SLC20A2: variants seen among roughly 807,000 people sequenced by gnomAD.
SLC20A2 encodes solute carrier family 20 member 2, also known as sodium-dependent phosphate transporter 2.
Under a neutral mutation model 61.0 loss-of-function variants are expected in SLC20A2, and 30 were observed. That is an observed-to-expected ratio of 0.49 (90% CI 0.37 to 0.67). The LOEUF (loss-of-function observed/expected upper bound fraction) is 0.67, where lower values mean the gene tolerates loss of function less well. Among genes scored for constraint, SLC20A2 ranks in the 30% least tolerant of loss-of-function variants. The probability of loss-of-function intolerance (pLI) is 0.00; values close to 1 mark genes in which losing one functional copy is unlikely to be tolerated. For synonymous variants in SLC20A2, 351 were observed against 353.3 expected (o/e 0.99, Z 0.07); for missense variants, 626 against 866.4 (o/e 0.72, Z 3.48).
At chr8:42,433,739 A>G (rs915762704) in intron 8 of SLC20A2, among the ~76,000 whole-genome samples, 4 of 152,186 alleles carry the variant, frequency 2.6e-5, no homozygotes, top group African/African-American at 9.7e-5. Context: ...CATGGACATA[A>G]TTTGTTTCCA....
At chr8:42,422,270 C>G (rs1289270798) in intron 10 of SLC20A2, among the ~76,000 whole-genome samples, 5 of 152,144 alleles carry the variant, frequency 3.3e-5, no homozygotes, top group African/African-American at 4.8e-5. Flanking sequence ...CCAGGCTGGT[C>G]TCGAACTCCT....
At chr8:42,497,466 C>T (rs936875282) in intron 1 of SLC20A2, among the ~76,000 whole-genome samples, 2 of 152,056 alleles carry the variant, frequency 1.3e-5, no homozygotes, top group South Asian at 4.1e-4. Context: ...TGTTTCCAGG[C>T]GGTGCTGACG....
intron 2 of SLC20A2, among the ~76,000 whole-genome samples, chr8:42,467,959 C>T (rs544596985): frequency 6.6e-6 from 1 of 151,598 alleles, no homozygotes; most frequent in East Asian, 1.9e-4. Context: ...CTCTGTTGCC[C>T]AGGCGCAATC....
rs1809642401 is a variant in SLC20A2, at chr8:42,492,989, C to T, written c.-265+8042G>A. On this transcript the variant is annotated intron_variant, in intron 1 of 10. Coordinates refer to ENST00000520262, the MANE Select transcript of SLC20A2 (RefSeq NM_001257180.2). ...AGCCACCACGCCCAGCCTTGGTTTT[C>T]GATTAAGTTTAAGGTCTTAGTCCTG... 2.0e-5 allele frequency among the ~76,000 whole-genome samples: 3 copies of T among 152,152 alleles called. No individual in the cohort carries two copies. The South Asian group carries it at 6.2e-4, about 31-fold the overall frequency.
At chr8:42,426,267 A>G (rs1482154425) in intron 10 of SLC20A2, among the ~76,000 whole-genome samples, 1 of 152,214 alleles carries the variant, frequency 6.6e-6, no homozygotes, top group Non-Finnish European at 1.5e-5. Flanking sequence ...TGTATTCTAG[A>G]GTTTAGTGTT....
At chr8:42,469,021 A>T (rs781639186) in intron 2 of SLC20A2, among the ~76,000 whole-genome samples, 1 of 152,128 alleles carries the variant, frequency 6.6e-6, no homozygotes, top group Non-Finnish European at 1.5e-5. Context: ...CTCTAACACA[A>T]CTCTGTCAGG....
In SLC20A2 at chr8:42,437,080, TCTC is replaced by T. The variant is rs776433163; in HGVS notation, c.1429_1431del (p.Glu477del). ...AGGAGGTGAACCTCGGGTGCGTCCT[TCTC>T]CTCCTTCTCCTCCTCTGCAGGGTCC... On this transcript the variant is annotated inframe_deletion, in exon 8 of 11. Transcript: ENST00000520262. The surrounding 1 kb of genome is among the most constrained non-coding windows in gnomAD (Gnocchi z 6.4). The T allele has an allele frequency of 3.1e-6, 5 of 1,613,780 alleles. No individual in the cohort carries two copies. The highest frequency in any genetic ancestry group is 1.3e-5 in the African/African-American group (1 of 74,912).
Position 42,463,007 on chromosome 8 carries a change from T to A in SLC20A2, c.514A>T (p.Lys172Ter). ...FVLIRIFILK[K>*]EDPVPNGLRA... ...TTAAAAGTAGCAGCCCCACTTACCT[T>A]TTTTAAGATGAAAATTCTGATGAGT... The change falls in exon 4 of 11, where the codon AAG (lysine) becomes TAG (stop). Residue 172 changes from lysine (K) to a stop codon, truncating the protein, a stop_gained and splice_region_variant. Transcript: ENST00000520262. LOFTEE classifies it high-confidence loss of function. 1 of 1,588,112 alleles carries A rather than the reference T, an allele frequency of 6.3e-7. No homozygotes were observed. Among genetic ancestry groups the A allele is most frequent in the Non-Finnish European group, 8.6e-7 (1 of 1,167,114 alleles).
At chr8:42,448,726 A>C (rs1287015883) in intron 5 of SLC20A2, among the ~76,000 whole-genome samples, 1 of 152,168 alleles carries the variant, frequency 6.6e-6, no homozygotes, top group Admixed American at 6.6e-5. Context: ...GTAACACGTC[A>C]CGGAGGAGGA....
At chr8:42,465,709 C>G in intron 3 of SLC20A2, 68 bp downstream of exon 3, 2 of 1,347,584 alleles carry the variant, frequency 1.5e-6, no homozygotes, top group South Asian at 2.9e-5. Flanking sequence ...AAAAAAGTAA[C>G]TTGTAATAAA....
chr8:42,528,811 C>T (rs556362753), intron 1 of SLC20A2, among the ~76,000 whole-genome samples: 6 of 152,010 alleles, frequency 3.9e-5, no homozygotes, highest in African/African-American at 1.4e-4. Flanking sequence ...GGATTATAGG[C>T]ATGCGCCACC....
At chr8:42,514,375 T>C (rs1312363202) in intron 1 of SLC20A2, among the ~76,000 whole-genome samples, 1 of 152,206 alleles carries the variant, frequency 6.6e-6, no homozygotes, top group African/African-American at 2.4e-5. Flanking sequence ...TGTCAGTTTA[T>C]AGGCTACTGG....
chr8:42,422,639 T>C (rs1166800168), intron 10 of SLC20A2, among the ~76,000 whole-genome samples: 1 of 151,824 alleles, frequency 6.6e-6, no homozygotes, highest in Non-Finnish European at 1.5e-5. Context: ...CCCTAGCCCC[T>C]TTTTGCTTTT....
chr8:42,417,913 GCCAGTCCACAGCCTTGCGGGAGCGGAT>G lies in SLC20A2; in HGVS notation c.1822_1848del (p.Ile608_Trp616del), dbSNP rs1802778819. 3 of 1,613,766 alleles carry G rather than the reference GCCAGTCCACAGCCTTGCGGGAGCGGAT, an allele frequency of 1.9e-6. No individual in the cohort carries two copies. Among genetic ancestry groups the G allele is most frequent in the Non-Finnish European group, 2.5e-6 (3 of 1,179,892 alleles). On this transcript the variant is annotated inframe_deletion, in exon 11 of 11. Transcript: ENST00000520262. ...GCCACGAAGATGTTCCGAAAGAGGC[GCCAGTCCACAGCCTTGCGGGAGCGGAT>G]CCAGCCCACGGCCACCACCGAGCCC... is the stretch of plus-strand genomic sequence containing the variant.
At chr8:42,445,251 C>T (rs1227567480) in intron 5 of SLC20A2, among the ~76,000 whole-genome samples, 1 of 151,946 alleles carries the variant, frequency 6.6e-6, no homozygotes, top group African/African-American at 2.4e-5. Context: ...GAGATTGCAC[C>T]ACTGCACTCT....
At chr8:42,448,099 A>T (rs1039442759) in intron 5 of SLC20A2, among the ~76,000 whole-genome samples, 6 of 152,238 alleles carry the variant, frequency 3.9e-5, no homozygotes, top group Non-Finnish European at 8.8e-5. Context: ...TGCCAACTCG[A>T]ATGGTACCCG....
At chr8:42,447,302 C>T (rs1027026424) in intron 5 of SLC20A2, among the ~76,000 whole-genome samples, 4 of 150,900 alleles carry the variant, frequency 2.7e-5, no homozygotes, top group East Asian at 1.9e-4. Context: ...GCTATGATAG[C>T]GCCATTGAAC....
At chr8:42,497,989 T>C (rs957479864) in intron 1 of SLC20A2, among the ~76,000 whole-genome samples, 2 of 152,174 alleles carry the variant, frequency 1.3e-5, no homozygotes, top group South Asian at 2.1e-4. Flanking sequence ...GCTGAAGGCA[T>C]TTCCCTAACT....
At chr8:42,524,924 T>A (rs1811827130) in intron 1 of SLC20A2, among the ~76,000 whole-genome samples, 1 of 152,236 alleles carries the variant, frequency 6.6e-6, no homozygotes, top group Non-Finnish European at 1.5e-5. Flanking sequence ...TCTCACCTAA[T>A]AAAAAGTTTC....
Sources: allele counts gnomAD v4.1 joint callset (sites outside exome capture counted in the v4.1 genomes callset), GRCh38; gene constraint gnomAD v4.1.1; non-coding constraint Gnocchi (gnomAD v3.1); transcripts MANE v1.5; gene names NCBI Gene and HGNC (gene_info 2026-07-23, HGNC 2026-07-21).